The following CACNA2D3 variants were observed in gnomAD, a reference collection of about 807,000 sequenced individuals.
CACNA2D3 encodes the protein voltage-dependent calcium channel subunit alpha-2/delta-3.
A neutral mutation model predicts 160.6 loss-of-function variants in CACNA2D3; 60 were observed. The ratio of observed to expected loss-of-function variants is 0.37; its 90% CI spans 0.30 to 0.46. The LOEUF is 0.46. Among genes scored for constraint, CACNA2D3 ranks in the 20% least tolerant of loss-of-function variants. The pLI, the probability that CACNA2D3 is intolerant of heterozygous loss-of-function variation, is 1.00. For synonymous variants in CACNA2D3, 558 were observed against 492.9 expected (o/e 1.13, Z -1.75); for missense variants, 1,205 against 1,365.0 (o/e 0.88, Z 1.85).
At chr3:54,241,753 C>T (rs1012761167) in intron 2 of CACNA2D3, among the ~76,000 whole-genome samples, 6 of 152,130 alleles carry the variant, frequency 3.9e-5, no homozygotes, top group Non-Finnish European at 7.4e-5. Flanking sequence ...CCTCTAGGGC[C>T]ACAGTCAGCA....
At chr3:54,983,933 G>A (rs1252492769) in intron 29 of CACNA2D3, among the ~76,000 whole-genome samples, 1 of 152,086 alleles carries the variant, frequency 6.6e-6, no homozygotes, top group Non-Finnish European at 1.5e-5. Flanking sequence ...AAGTAGTGTG[G>A]GGGAAGCAGA....
chr3:55,013,020 C>G (rs112555907), intron 34 of CACNA2D3, among the ~76,000 whole-genome samples: 1 of 152,256 alleles, frequency 6.6e-6, no homozygotes, highest in African/African-American at 2.4e-5. Context: ...GAAAGGACCC[C>G]AAATAGATCA....
At chr3:54,892,966 C>T (rs1700101709) in intron 25 of CACNA2D3, among the ~76,000 whole-genome samples, 1 of 152,132 alleles carries the variant, frequency 6.6e-6, no homozygotes, top group Non-Finnish European at 1.5e-5. Flanking sequence ...CTTTTGGTTA[C>T]TGTGAAGATC....
chr3:54,327,195 G>A (rs941974395), intron 3 of CACNA2D3, among the ~76,000 whole-genome samples: 1 of 152,214 alleles, frequency 6.6e-6, no homozygotes, highest in African/African-American at 2.4e-5. Flanking sequence ...GCCAACCTGA[G>A]CCTCACAGCT....
intron 34 of CACNA2D3, among the ~76,000 whole-genome samples, chr3:55,010,253 G>T (rs541039558): frequency 6.6e-6 from 1 of 152,222 alleles, no homozygotes; most frequent in South Asian, 2.1e-4. Context: ...GGTGGGAGGA[G>T]GGTGAGGATG....
chr3:54,322,714 C>A (rs1704029865), intron 3 of CACNA2D3, among the ~76,000 whole-genome samples: 1 of 152,096 alleles, frequency 6.6e-6, no homozygotes, highest in Admixed American at 6.5e-5. Flanking sequence ...GGTAGTCTTG[C>A]AGCTTTAGGA....
intron 29 of CACNA2D3, among the ~76,000 whole-genome samples, chr3:54,971,204 A>G (rs977412485): frequency 6.6e-6 from 1 of 152,122 alleles, no homozygotes; most frequent in Admixed American, 6.5e-5. Flanking sequence ...AGGAAAGAAT[A>G]CCCTGTGAAG....
At chr3:54,362,602 T>C (rs561969798) in intron 3 of CACNA2D3, among the ~76,000 whole-genome samples, 1 of 152,338 alleles carries the variant, frequency 6.6e-6, no homozygotes, top group East Asian at 1.9e-4. Context: ...ATCCTCATTC[T>C]GCATGTGGGG....
intron 5 of CACNA2D3, among the ~76,000 whole-genome samples, chr3:54,505,609 G>T (rs756128227): frequency 2.2e-4 from 34 of 152,198 alleles, no homozygotes; most frequent in Admixed American, 1.3e-4. Flanking sequence ...CTTTTTGTGC[G>T]ATGTGGCCAA....
At chr3:54,341,490 T>G (rs1324630913) in intron 3 of CACNA2D3, among the ~76,000 whole-genome samples, 1 of 152,208 alleles carries the variant, frequency 6.6e-6, no homozygotes, top group Non-Finnish European at 1.5e-5. Context: ...CTCCAGCGTT[T>G]CCTCTGACCT....
At chr3:54,476,634 G>T (rs1253810593) in intron 4 of CACNA2D3, among the ~76,000 whole-genome samples, 5 of 152,052 alleles carry the variant, frequency 3.3e-5, no homozygotes, top group Admixed American at 2.0e-4. Context: ...TTGTGGTTTT[G>T]ATTTGCATTT....
intron 31 of CACNA2D3, among the ~76,000 whole-genome samples, chr3:54,988,394 C>T (rs899389968): frequency 2.6e-5 from 4 of 152,190 alleles, no homozygotes; most frequent in African/African-American, 9.7e-5. Flanking sequence ...GGCAGGCCAG[C>T]CATGCTCTTG....
intron 21 of CACNA2D3, among the ~76,000 whole-genome samples, chr3:54,881,526 C>T (rs1012027465): frequency 3.3e-5 from 5 of 152,192 alleles, no homozygotes; most frequent in African/African-American, 1.2e-4. Flanking sequence ...GTCACATGTG[C>T]TATCCTTTTC....
At chr3:54,783,712 A>G (rs1459917525) in intron 13 of CACNA2D3, among the ~76,000 whole-genome samples, 2 of 152,218 alleles carry the variant, frequency 1.3e-5, no homozygotes, top group Non-Finnish European at 2.9e-5. Flanking sequence ...AACCCAAGGT[A>G]GGAAACTTTA....
chr3:54,183,486 C>T (rs565780844), intron 2 of CACNA2D3, among the ~76,000 whole-genome samples: 8 of 151,792 alleles, frequency 5.3e-5, no homozygotes, highest in Admixed American at 1.3e-4. Flanking sequence ...TTTGCCAACG[C>T]GCCTTTTTCC....
chr3:55,038,864 C>CCA (rs1451441383), intron 35 of CACNA2D3, among the ~76,000 whole-genome samples: 1 of 99,084 alleles, frequency 1.0e-5, no homozygotes, highest in Non-Finnish European at 2.0e-5. Flanking sequence ...AGCCAGGATG[C>CCA]TATATATATA....
At chr3:54,603,258 A>C (rs190638060) in intron 9 of CACNA2D3, among the ~76,000 whole-genome samples, 1,700 of 152,244 alleles carry the variant, frequency 0.011, 13 homozygotes, top group Middle Eastern at 0.027. Flanking sequence ...GCTGCCCCCC[A>C]CCACCTCCTC....
At chr3:54,594,796 A>T (rs1326076738) in intron 9 of CACNA2D3, among the ~76,000 whole-genome samples, 2 of 152,200 alleles carry the variant, frequency 1.3e-5, no homozygotes, top group Non-Finnish European at 2.9e-5. Context: ...TCCAACTTTT[A>T]CACCTGGGGT....
intron 35 of CACNA2D3, among the ~76,000 whole-genome samples, chr3:55,028,825 C>T (rs358055): frequency 0.069 from 10,550 of 152,082 alleles, 1,235 homozygotes; most frequent in African/African-American, 0.24. Context: ...ATATTGCCGT[C>T]GGTTTCACTT....
Sources: allele counts gnomAD v4.1 joint callset (sites outside exome capture counted in the v4.1 genomes callset), GRCh38; gene constraint gnomAD v4.1.1; transcripts MANE v1.5; gene names NCBI Gene and HGNC (gene_info 2026-07-23, HGNC 2026-07-21).